PSMA1: variants seen among roughly 807,000 people sequenced by gnomAD.
PSMA1 encodes the protein proteasome subunit alpha type-1.
In PSMA1, 3 loss-of-function variants were observed where a neutral mutation model predicts 38.4. The observed-to-expected ratio is 0.08, with a 90% CI of 0.04 to 0.20. The LOEUF (loss-of-function observed/expected upper bound fraction) is 0.20, where lower values mean the gene tolerates loss of function less well. Among genes scored for constraint, PSMA1 ranks in the 10% least tolerant of loss-of-function variants. The probability of loss-of-function intolerance (pLI) is 1.00; values close to 1 mark genes in which losing one functional copy is unlikely to be tolerated. For synonymous variants in PSMA1, 101 were observed against 107.1 expected, an observed-to-expected ratio of 0.94 and a Z score of 0.35; for missense variants, 227 against 325.3, an observed-to-expected ratio of 0.70 and a Z score of 2.32.
At chr11:14,613,877 T>G (rs1274449307) in intron 1 of PSMA1, among the ~76,000 whole-genome samples, 1 of 152,194 alleles carries the variant, frequency 6.6e-6, no homozygotes, top group Non-Finnish European at 1.5e-5. Flanking sequence ...CAGTTTTTCA[T>G]ACATTTATAT....
At chr11:14,527,911 T>C (rs1456594080) in intron 2 of PSMA1, among the ~76,000 whole-genome samples, 1 of 152,146 alleles carries the variant, frequency 6.6e-6, no homozygotes, top group Non-Finnish European at 1.5e-5. Context: ...TGAAGTCCTA[T>C]TCTTTACTTT....
rs1344027130 is a variant in PSMA1 at position 14,534,773 on chromosome 11, A to G, written c.22-15732T>C. On this transcript the variant is annotated intron_variant, in intron 2 of 10. Coordinates refer to the PSMA1 transcript ENST00000418988. The surrounding 1 kb of genome is among the most constrained non-coding windows in gnomAD (Gnocchi z 4.5). ...TACATATGCATATTTAAAAAAATTA[A>G]AAAAACAAACAAACCTGCTTATAGG... 1.4e-5 allele frequency among the ~76,000 whole-genome samples: 1 copy of G among 72,094 alleles called. No individual in the cohort carries two copies. The highest frequency in any genetic ancestry group is 3.9e-5 in the Non-Finnish European group (1 of 25,398). 47.3% of individuals were successfully genotyped at this position (72,094 alleles called of 152,430 possible). A position where few individuals can be genotyped will look rare whatever the true frequency, so the allele number is the denominator to read the frequency against.
intron 1 of PSMA1, among the ~76,000 whole-genome samples, chr11:14,638,201 C>G (rs888022111): frequency 6.6e-6 from 1 of 152,106 alleles, no homozygotes; most frequent in Non-Finnish European, 1.5e-5. Context: ...TTCCTTCCTT[C>G]ACATCGTGCT....
At chr11:14,539,806 G>A (rs1050088948) in intron 2 of PSMA1, among the ~76,000 whole-genome samples, 6 of 151,442 alleles carry the variant, frequency 4.0e-5, no homozygotes, top group Non-Finnish European at 7.4e-5. Context: ...CCGAGATTGC[G>A]CCACTGCACT....
intron 2 of PSMA1, among the ~76,000 whole-genome samples, chr11:14,541,584 ACT>A (rs1851773488): frequency 6.6e-6 from 1 of 151,946 alleles, no homozygotes. Context: ...TGGAGCCTTG[ACT>A]CTGCTTCCCC....
chr11:14,578,004 C>T (rs997087967), intron 2 of PSMA1, among the ~76,000 whole-genome samples: 9 of 147,668 alleles, frequency 6.1e-5, no homozygotes, highest in Admixed American at 3.4e-4. Context: ...TGTTGTCGCT[C>T]ATAAGTGGGA....
At chr11:14,558,254 A>G (rs1003262054) in intron 2 of PSMA1, among the ~76,000 whole-genome samples, 6 of 150,370 alleles carry the variant, frequency 4.0e-5, no homozygotes, top group African/African-American at 1.2e-4. Flanking sequence ...CTGCACAAAA[A>G]AAAAAAAAAA....
chr11:14,637,320 A>G (rs1363023245), intron 1 of PSMA1, among the ~76,000 whole-genome samples: 1 of 152,190 alleles, frequency 6.6e-6, no homozygotes, highest in East Asian at 1.9e-4. Flanking sequence ...TTCAATACCT[A>G]GGTTAGTATC....
At chr11:14,621,524 G>C (rs913602104) in intron 1 of PSMA1, among the ~76,000 whole-genome samples, 3 of 151,970 alleles carry the variant, frequency 2.0e-5, no homozygotes, top group African/African-American at 7.2e-5. Context: ...TCCCACCTTG[G>C]CCTCCTAAAG....
intron 8 of PSMA1, among the ~76,000 whole-genome samples, chr11:14,509,767 A>G (rs1422270610): frequency 7.0e-6 from 1 of 142,988 alleles, no homozygotes; most frequent in Non-Finnish European, 1.5e-5. Context: ...CAGGCTGGAC[A>G]GGCTGGAGTG....
chr11:14,572,746 A>C (rs560118174), intron 2 of PSMA1, among the ~76,000 whole-genome samples: 5 of 152,302 alleles, frequency 3.3e-5, no homozygotes, highest in African/African-American at 1.2e-4. Context: ...TGAAAAGATC[A>C]ACAAAACTGA....
At chr11:14,604,086 C>A (rs546890544) in intron 2 of PSMA1, among the ~76,000 whole-genome samples, 1 of 152,320 alleles carries the variant, frequency 6.6e-6, no homozygotes, top group South Asian at 2.1e-4. Flanking sequence ...TTCCAGTAAG[C>A]TGAGAGAGGT....
upstream of PSMA1, among the ~76,000 whole-genome samples, chr11:14,523,617 G>T (rs1388817569): frequency 4.1e-5 from 6 of 145,270 alleles, no homozygotes; most frequent in Non-Finnish European, 7.5e-5. Context: ...TTAAGACAGG[G>T]TATTTCTCTG....
chr11:14,521,955 C>T (rs1289814467), upstream of PSMA1, among the ~76,000 whole-genome samples: 1 of 152,102 alleles, frequency 6.6e-6, no homozygotes, highest in Non-Finnish European at 1.5e-5. Context: ...TGTTCTCTTT[C>T]GTTTCTCCAG....
chr11:14,536,313 G>T (rs976752547), intron 2 of PSMA1, among the ~76,000 whole-genome samples: 2 of 152,028 alleles, frequency 1.3e-5, no homozygotes, highest in African/African-American at 4.8e-5. Flanking sequence ...GATCACCTGC[G>T]GTCAAGAATT....
At chr11:14,627,116 C>A (rs1852921538) in intron 1 of PSMA1, among the ~76,000 whole-genome samples, 1 of 152,136 alleles carries the variant, frequency 6.6e-6, no homozygotes, top group Admixed American at 6.5e-5. Flanking sequence ...TGGATTAGTG[C>A]CCCACCATTA....
intron 1 of PSMA1, among the ~76,000 whole-genome samples, chr11:14,619,425 A>T (rs1590012617): frequency 6.6e-6 from 1 of 152,090 alleles, no homozygotes; most frequent in African/African-American, 2.4e-5. Context: ...GGTGACAGAG[A>T]GAGATCCTGT....
At chr11:14,617,189 AAG>A (rs1852783897) in intron 1 of PSMA1, among the ~76,000 whole-genome samples, 1 of 152,108 alleles carries the variant, frequency 6.6e-6, no homozygotes, top group Admixed American at 6.5e-5. Context: ...CTTCTCTGGG[AAG>A]GAAAGAGTTG....
At chr11:14,562,728 G>C (rs551948260) in intron 2 of PSMA1, among the ~76,000 whole-genome samples, 1 of 151,448 alleles carries the variant, frequency 6.6e-6, no homozygotes, top group Non-Finnish European at 1.5e-5. Flanking sequence ...GGGCTCAAGC[G>C]ATCCTCCCAT....
Sources: gnomAD v4.1 joint callset for allele counts (sites outside exome capture counted in the v4.1 genomes callset) on GRCh38, gnomAD v4.1.1 for gene constraint, Gnocchi (gnomAD v3.1) non-coding constraint, MANE v1.5 for transcripts, NCBI Gene and HGNC (gene_info 2026-07-23, HGNC 2026-07-21) for gene names.